Variants in ABTB3 observed in about 807,000 individuals in gnomAD.
The protein encoded by ABTB3 is ankyrin repeat- and BTB/POZ domain-containing protein 3.
chr12:107,563,534 T>C, the ABTB3 span, among the ~76,000 whole-genome samples: 4 of 152,170 alleles, frequency 2.6e-5, no homozygotes, highest in African/African-American at 7.2e-5. Context: ...GAACAATTCA[T>C]GCCCCTACAA....
the ABTB3 span, among the ~76,000 whole-genome samples, chr12:107,337,166 G>A: frequency 6.6e-6 from 1 of 152,242 alleles, no homozygotes. Flanking sequence ...ACAATTCTCC[G>A]GGCGCAGCCC....
At chr12:107,346,435 A>G in the ABTB3 span, among the ~76,000 whole-genome samples, 2 of 152,152 alleles carry the variant, frequency 1.3e-5, no homozygotes, top group African/African-American at 2.4e-5. Context: ...CCATCACATA[A>G]CAGGAAGCCC....
chr12:107,401,768 G>A, the ABTB3 span, among the ~76,000 whole-genome samples: 2 of 152,178 alleles, frequency 1.3e-5, no homozygotes, highest in Non-Finnish European at 2.9e-5. Context: ...TAGAGTCTGA[G>A]CATCACTGCT....
chr12:107,458,581 C>T, the ABTB3 span, among the ~76,000 whole-genome samples: 1 of 152,148 alleles, frequency 6.6e-6, no homozygotes, highest in Non-Finnish European at 1.5e-5. Flanking sequence ...CAGATCCACC[C>T]CTCACATTAC....
the ABTB3 span, among the ~76,000 whole-genome samples, chr12:107,590,278 A>G: frequency 2.0e-5 from 3 of 152,214 alleles, no homozygotes; most frequent in African/African-American, 7.2e-5. Context: ...GTGACAACTC[A>G]GGTGTAGAAC....
the ABTB3 span, among the ~76,000 whole-genome samples, chr12:107,611,570 G>T: frequency 2.0e-5 from 3 of 152,172 alleles, no homozygotes; most frequent in Admixed American, 6.5e-5. Context: ...AATTTAGGTT[G>T]TTTCAAATTA....
the ABTB3 span, among the ~76,000 whole-genome samples, chr12:107,607,734 A>G: frequency 6.6e-6 from 1 of 152,194 alleles, no homozygotes; most frequent in South Asian, 2.1e-4. Context: ...TCTTGCATCT[A>G]GAGCCAAAGC....
the ABTB3 span, chr12:107,544,060 T>C: frequency 6.2e-7 from 1 of 1,614,004 alleles, no homozygotes; most frequent in South Asian, 1.1e-5. Flanking sequence ...GTACACCCTT[T>C]GCTATTTCAT....
the ABTB3 span, among the ~76,000 whole-genome samples, chr12:107,612,580 G>C: frequency 6.6e-6 from 1 of 152,202 alleles, no homozygotes; most frequent in African/African-American, 2.4e-5. Flanking sequence ...GGCCGAGGAG[G>C]CTCCTTCGTC....
the ABTB3 span, among the ~76,000 whole-genome samples, chr12:107,564,954 C>G: frequency 1.3e-5 from 2 of 152,228 alleles, no homozygotes; most frequent in African/African-American, 4.8e-5. Flanking sequence ...GAAAAATGAT[C>G]TGTATGCTGG....
At chr12:107,451,663 AC>A in the ABTB3 span, among the ~76,000 whole-genome samples, 1 of 135,774 alleles carries the variant, frequency 7.4e-6, no homozygotes, top group African/African-American at 2.8e-5. Context: ...TGCTTTCTCC[AC>A]CCCCACCTTT....
chr12:107,503,828 C>T, the ABTB3 span, among the ~76,000 whole-genome samples: 8 of 148,492 alleles, frequency 5.4e-5, no homozygotes, highest in African/African-American at 7.5e-5. Context: ...AGTGGGGTGG[C>T]GGTGGAGAGG....
At chr12:107,644,768 C>T in the ABTB3 span, among the ~76,000 whole-genome samples, 2 of 152,004 alleles carry the variant, frequency 1.3e-5, no homozygotes, top group African/African-American at 2.4e-5. Flanking sequence ...GCTATTGTTC[C>T]CTTCTTTGTG....
chr12:107,325,561 A>G, the ABTB3 span, among the ~76,000 whole-genome samples: 1 of 152,220 alleles, frequency 6.6e-6, no homozygotes, highest in Non-Finnish European at 1.5e-5. Flanking sequence ...TTCCTGAAAC[A>G]TAAAATAAAA....
chr12:107,558,212 G>A, the ABTB3 span, among the ~76,000 whole-genome samples: 1 of 152,184 alleles, frequency 6.6e-6, no homozygotes, highest in Non-Finnish European at 1.5e-5. Flanking sequence ...CTTGGGGGCT[G>A]GACTGCCCAT....
At chr12:107,323,693 T>G in the ABTB3 span, among the ~76,000 whole-genome samples, 1 of 152,102 alleles carries the variant, frequency 6.6e-6, no homozygotes, top group African/African-American at 2.4e-5. Context: ...AGCTGGCCAG[T>G]TCCTACTCAT....
chr12:107,611,946 A>AT, the ABTB3 span, among the ~76,000 whole-genome samples: 1 of 152,242 alleles, frequency 6.6e-6, no homozygotes, highest in Non-Finnish European at 1.5e-5. Context: ...TTTCAATTAT[A>AT]TGTCCCCAAG....
At chr12:107,525,324 C>CAAAAAGAAAAAAAAAAAAAAAA in the ABTB3 span, among the ~76,000 whole-genome samples, 1 of 34,888 alleles carries the variant, frequency 2.9e-5, no homozygotes, top group Non-Finnish European at 6.0e-5. Flanking sequence ...AAGATCCTGT[C>CAAAAAGAAAAAAAAAAAAAAAA]AAAAAAAAAA....
the ABTB3 span, among the ~76,000 whole-genome samples, chr12:107,629,836 C>T: frequency 2.0e-5 from 3 of 152,154 alleles, no homozygotes; most frequent in South Asian, 6.2e-4. Context: ...GCTTCCATTC[C>T]ATTGTCTTTG....
Sources: allele counts gnomAD v4.1 joint callset (sites outside exome capture counted in the v4.1 genomes callset), GRCh38; gene constraint gnomAD v4.1.1; transcripts MANE v1.5; gene names NCBI Gene and HGNC (gene_info 2026-07-23, HGNC 2026-07-21).